MAP3K4: variants seen among roughly 807,000 people sequenced by gnomAD.
MAP3K4 encodes mitogen-activated protein kinase kinase kinase 4, also known as MAP three kinase 1.
MAP3K4 carries 67 observed loss-of-function variants against 185.6 expected under a neutral mutation model. That is an observed-to-expected ratio of 0.36 (90% CI 0.30 to 0.44). The LOEUF is 0.44. MAP3K4 is among the 20% of genes least tolerant of loss of function. MAP3K4 has a pLI of 1.00. For synonymous variants in MAP3K4, 702 were observed against 710.4 expected (o/e 0.99, Z 0.19); for missense variants, 1,551 against 1,995.1 (o/e 0.78, Z 4.24).
rs1781669503 is a variant in MAP3K4, at chr6:161,007,933, A to G, written c.152+15850A>G. On this transcript the variant is annotated intron_variant, in intron 1 of 26. Coordinates refer to ENST00000392142, the MANE Select transcript of MAP3K4 (RefSeq NM_005922.4). This position sits in a 1 kb window ranked among gnomAD's most constrained non-coding sequence, Gnocchi z 4.5. Reference sequence around the variant, plus strand: ...TATCAGAGATGTTAAAATTAGGGAAAAACGTGTGTTTTAAAATCAGTGAAG... The same window carrying G: ...TATCAGAGATGTTAAAATTAGGGAAGAACGTGTGTTTTAAAATCAGTGAAG... Among the ~76,000 whole-genome samples, 1 of 152,224 alleles carries G rather than the reference A, an allele frequency of 6.6e-6. No homozygotes were observed.
intron 5 of MAP3K4, among the ~76,000 whole-genome samples, chr6:161,078,686 C>T (rs1429006273): frequency 6.6e-6 from 1 of 152,132 alleles, no homozygotes; most frequent in Non-Finnish European, 1.5e-5. Flanking sequence ...GAGATGGAGG[C>T]AGTCAGGAAG....
intron 1 of MAP3K4, among the ~76,000 whole-genome samples, chr6:161,021,996 C>T (rs554724111): frequency 6.6e-5 from 10 of 152,162 alleles, no homozygotes; most frequent in Non-Finnish European, 1.3e-4. Context: ...TCTTCTTTGT[C>T]TCATCCCTTA....
At chr6:161,092,295 G>A (rs960424196) in intron 13 of MAP3K4, 152 bp downstream of exon 13, 4 of 904,284 alleles carry the variant, frequency 4.4e-6, no homozygotes, top group Non-Finnish European at 6.3e-6. Context: ...GGAAAAATAT[G>A]TAGAGAAAAC....
intron 1 of MAP3K4, among the ~76,000 whole-genome samples, chr6:161,000,770 T>TATGTGTACACCCATATATACACAC (rs1469720648): frequency 6.6e-6 from 1 of 150,936 alleles, no homozygotes; most frequent in African/African-American, 2.4e-5. Context: ...TATACACACA[T>TATGTGTACACCCATATATACACAC]ATGTGTACAC....
rs979209991 is a variant in MAP3K4 at position 161,106,471 on chromosome 6, A to G, written c.3857-43A>G. On this transcript the variant is annotated intron_variant, in intron 19 of 26. Transcript: ENST00000392142. The surrounding 1 kb of genome is among the most constrained non-coding windows in gnomAD (Gnocchi z 4.9). ...GGTTTGTCTTTTGGAAACTGACTTG[A>G]TAACAGTGATTGGGACTAATGAGGT... 1 of 1,451,452 alleles carries G rather than the reference A, an allele frequency of 6.9e-7. No homozygotes were observed. The highest frequency in any genetic ancestry group is 9.4e-7 in the Non-Finnish European group (1 of 1,063,746). 89.9% of individuals were successfully genotyped at this position (1,451,452 alleles called of 1,614,324 possible).
At chr6:161,000,826 T>C (rs140131129) in intron 1 of MAP3K4, among the ~76,000 whole-genome samples, 1,511 of 144,508 alleles carry the variant, frequency 0.01, 11 homozygotes, top group Non-Finnish European at 0.015. Context: ...CACATGTGTA[T>C]GCACACATAC....
chr6:161,060,680 C>T (rs1274276779), intron 3 of MAP3K4, among the ~76,000 whole-genome samples: 3 of 142,646 alleles, frequency 2.1e-5, no homozygotes, highest in Admixed American at 7.4e-5. Flanking sequence ...AGTGCAGTGG[C>T]GTGATCTTGG....
rs1448375103 is a variant in MAP3K4 at position 161,063,220 on chromosome 6, T to C, written c.1708-7388T>C. On this transcript the variant is annotated intron_variant, in intron 3 of 26. Coordinates refer to ENST00000392142, the MANE Select transcript of MAP3K4 (RefSeq NM_005922.4). This position sits in a 1 kb window ranked among gnomAD's most constrained non-coding sequence, Gnocchi z 5.4. The stretch of plus-strand genomic sequence containing the variant: ...ATCACTGAGGTTTTTTTTCTAATTC[T>C]AATTTTTGTCATTATTTTATATTTT... Among the ~76,000 whole-genome samples, 2 of 152,116 alleles carry C rather than the reference T, an allele frequency of 1.3e-5. No individual in the cohort carries two copies. Among genetic ancestry groups the C allele is most frequent in the Non-Finnish European group, 2.9e-5 (2 of 68,010 alleles).
rs1378002751 is a variant in MAP3K4, at chr6:161,070,400, G to A, written c.1708-208G>A. The stretch of plus-strand genomic sequence containing the variant: ...CAATTTGGTTTTGGTTCTCATTATG[G>A]TTTCCAGCATTCTTAGAACTTTTTG... On this transcript the variant is annotated intron_variant, in intron 3 of 26. Coordinates refer to ENST00000392142, the MANE Select transcript of MAP3K4 (RefSeq NM_005922.4). The surrounding 1 kb of genome is among the most constrained non-coding windows in gnomAD (Gnocchi z 4.5). 6.6e-6 allele frequency among the ~76,000 whole-genome samples: 1 copy of A among 152,066 alleles called. No homozygotes were observed. Among genetic ancestry groups the A allele is most frequent in the East Asian group, 1.9e-4 (1 of 5,194 alleles).
At chr6:160,999,713 G>A (rs1781179379) in intron 1 of MAP3K4, among the ~76,000 whole-genome samples, 1 of 152,158 alleles carries the variant, frequency 6.6e-6, no homozygotes, top group Non-Finnish European at 1.5e-5. Context: ...CCCTGGTCAA[G>A]GTCCAAAGCC....
intron 1 of MAP3K4, among the ~76,000 whole-genome samples, chr6:161,019,202 T>TA (rs997374396): frequency 2.0e-5 from 3 of 152,220 alleles, no homozygotes; most frequent in Non-Finnish European, 2.9e-5. Flanking sequence ...GAGTTTAAAG[T>TA]AGGGTCAACA....
rs143540599 is a variant in MAP3K4, at chr6:161,049,512, T to G, written c.1240T>G (p.Leu414Val). Residue 414 changes from leucine (L) to valine (V), a missense_variant, in exon 3 of 27, where the codon TTG (leucine) becomes GTG (valine). Coordinates refer to ENST00000392142, the MANE Select transcript of MAP3K4 (RefSeq NM_005922.4). The surrounding 1 kb of genome is among the most constrained non-coding windows in gnomAD (Gnocchi z 8.4). ...GAAATTAAGGATTATGGGCACTGTT[T>G]TGGGCATCAAGAATTTATCAGACAT... ...NQKLRIMGTVLGIKNLSDIGW... is the reference protein window; with the variant it reads ...NQKLRIMGTVVGIKNLSDIGW... 203 of 1,614,040 alleles carry G rather than the reference T, an allele frequency of 1.3e-4. No homozygotes were observed. Among genetic ancestry groups the G allele is most frequent in the Admixed American group, 1.8e-4 (11 of 60,000 alleles).
At chr6:161,014,047 T>C (rs1221104158) in intron 1 of MAP3K4, among the ~76,000 whole-genome samples, 1 of 152,234 alleles carries the variant, frequency 6.6e-6, no homozygotes, top group African/African-American at 2.4e-5. Flanking sequence ...AATGTAGGTT[T>C]TATGTATTTT....
At chr6:161,092,376 G>T (rs894803320) in intron 13 of MAP3K4, among the ~76,000 whole-genome samples, 4 of 152,168 alleles carry the variant, frequency 2.6e-5, no homozygotes, top group Non-Finnish European at 5.9e-5. Context: ...GGGAACTCAT[G>T]TTCTCCTTTG....
chr6:161,102,924 C>T (rs955461861), intron 19 of MAP3K4, 145 bp downstream of exon 19: 6 of 585,208 alleles, frequency 1.0e-5, no homozygotes, highest in Non-Finnish European at 1.8e-5. Context: ...ACAGCTCTGA[C>T]ATCACTTTCT....
In MAP3K4 at chr6:161,048,730, C is replaced by T; in HGVS notation, c.458C>T (p.Thr153Ile). 2 of 1,613,966 alleles carry T rather than the reference C, an allele frequency of 1.2e-6. No homozygotes were observed. Among genetic ancestry groups the T allele is most frequent in the Non-Finnish European group, 1.7e-6 (2 of 1,179,978 alleles). The change falls in exon 3 of 27, where the codon ACA (threonine) becomes ATA (isoleucine). Residue 153 changes from threonine (T) to isoleucine (I), a missense_variant. Thr to Ile is a moderately conservative substitution (Grantham distance 89). Around this residue, in one of 16 missense-constraint regions of MAP3K4, gnomAD observed 287 missense variants for 268.8 expected, o/e 1.07. Transcript: ENST00000392142. This position sits in a 1 kb window ranked among gnomAD's most constrained non-coding sequence, Gnocchi z 4.7. The part of the protein sequence containing the change: ...EKKIRAALRT[T>I]ERDRKKNVQC... ...AAGATCCGAGCAGCTCTTAGAACAACAGAGCGTGATCGTAAAAAAAATGTA... is the reference window on the plus strand; with the variant it reads ...AAGATCCGAGCAGCTCTTAGAACAATAGAGCGTGATCGTAAAAAAAATGTA...
Position 161,080,845 on chromosome 6 carries a change from C to G in MAP3K4, c.2098-36C>G, listed in dbSNP as rs1785418420. Reference sequence around the variant, plus strand: ...GAGAGCGCTGAGTTGCCAAGTTCTACTTTCAAATGTCTCCCTTTACTTTTT... The same window carrying G: ...GAGAGCGCTGAGTTGCCAAGTTCTAGTTTCAAATGTCTCCCTTTACTTTTT... On this transcript the variant is annotated intron_variant, in intron 5 of 26. Coordinates refer to ENST00000392142, the MANE Select transcript of MAP3K4 (RefSeq NM_005922.4). The surrounding 1 kb of genome is among the most constrained non-coding windows in gnomAD (Gnocchi z 4.8). 1 of 1,604,138 alleles carries G rather than the reference C, an allele frequency of 6.2e-7. No homozygotes were observed. The highest frequency in any genetic ancestry group is 8.5e-7 in the Non-Finnish European group (1 of 1,173,694).
At chr6:161,078,655 A>G (rs1221417903) in intron 5 of MAP3K4, among the ~76,000 whole-genome samples, 3 of 152,202 alleles carry the variant, frequency 2.0e-5, no homozygotes, top group South Asian at 2.1e-4. Flanking sequence ...AACCCCATCA[A>G]AAGTGGAGAA....
chr6:161,067,484 A>C lies in MAP3K4; in HGVS notation c.1708-3124A>C, dbSNP rs747403118. Among the ~76,000 whole-genome samples, 8 of 152,190 alleles carry C rather than the reference A, an allele frequency of 5.3e-5. No individual in the cohort carries two copies. The highest frequency in any genetic ancestry group is 1.0e-4 in the Non-Finnish European group (7 of 68,036). On this transcript the variant is annotated intron_variant, in intron 3 of 26. Transcript: ENST00000392142. The surrounding 1 kb of genome is among the most constrained non-coding windows in gnomAD (Gnocchi z 6.3). ...GTTTTCCTTTCACAACCCTGACCAC[A>C]TTTATTACAAGTAATTATTTTAGTG...
Sources: gnomAD v4.1 joint callset for allele counts (sites outside exome capture counted in the v4.1 genomes callset) on GRCh38, gnomAD v4.1.1 for gene constraint, gnomAD v4.1.1 regional missense constraint, Gnocchi (gnomAD v3.1) non-coding constraint, MANE v1.5 for transcripts, NCBI Gene and HGNC (gene_info 2026-07-23, HGNC 2026-07-21) for gene names.